Variants in NGEF observed in about 807,000 individuals in gnomAD.
NGEF encodes the protein neuronal guanine nucleotide exchange factor, also known as ephexin-1.
A neutral mutation model predicts 80.9 loss-of-function variants in NGEF; 31 were observed. That is an observed-to-expected ratio of 0.38 (90% CI 0.29 to 0.52). The LOEUF is 0.52. Ranked by LOEUF, NGEF falls within the 20% of genes least tolerant of loss-of-function variation. NGEF has a pLI of 0.84. For synonymous variants in NGEF, 371 were observed against 370.2 expected, an observed-to-expected ratio of 1.00 and a Z score of -0.03; for missense variants, 709 against 926.2, an observed-to-expected ratio of 0.77 and a Z score of 3.04.
intron 2 of NGEF, among the ~76,000 whole-genome samples, chr2:232,971,275 C>T (rs529738589): frequency 6.6e-6 from 1 of 152,288 alleles, no homozygotes; most frequent in Non-Finnish European, 1.5e-5. Context: ...ACCCCGTGCT[C>T]TTTCTCACCA....
Position 232,895,314 on chromosome 2 carries a change from G to A in NGEF, c.829-398C>T, listed in dbSNP as rs572095761. On this transcript the variant is annotated intron_variant, in intron 5 of 14. Transcript: ENST00000264051. ...GGCCGAGGCGGGCAGATCACTTGAG[G>A]TCAGGAGTTCAAGACCACCCTGGCC... 9.2e-5 allele frequency among the ~76,000 whole-genome samples: 14 copies of A among 152,194 alleles called. No homozygotes were observed. In the South Asian group the frequency reaches 2.7e-3, roughly 29 times the overall value.
chr2:232,905,144 C>G (rs1044581145), intron 5 of NGEF, among the ~76,000 whole-genome samples: 5 of 152,282 alleles, frequency 3.3e-5, no homozygotes, highest in Admixed American at 2.6e-4. Context: ...GTCTCCCTCT[C>G]ATGCCGAGCC....
At chr2:232,995,853 G>A (rs990989515) in intron 1 of NGEF, among the ~76,000 whole-genome samples, 3 of 148,974 alleles carry the variant, frequency 2.0e-5, no homozygotes, top group African/African-American at 7.4e-5. Context: ...ATAATATATT[G>A]TATGTATATA....
chr2:232,900,023 T>A (rs1194368748), intron 5 of NGEF, among the ~76,000 whole-genome samples: 1 of 120,678 alleles, frequency 8.3e-6, no homozygotes, highest in African/African-American at 3.4e-5. Context: ...CATATACACG[T>A]TCACTCACAT....
Position 232,999,284 on chromosome 2 carries a change from C to T in NGEF, c.-75+13784G>A, listed in dbSNP as rs554151501. The stretch of plus-strand genomic sequence containing the variant: ...TACTTTTTGGTGTATAAAGAATCAA[C>T]GGTTGTAAAATGTATATAATGTTCA... On this transcript the variant is annotated intron_variant, in intron 1 of 14. Transcript: ENST00000264051. Among the ~76,000 whole-genome samples the T allele has an allele frequency of 5.3e-4, 80 of 152,088 alleles. 1 individual carries two copies. In the South Asian group the frequency reaches 0.013, roughly 25 times the overall value.
Position 232,956,565 on chromosome 2 carries a change from G to T in NGEF, c.383+13649C>A, listed in dbSNP as rs377032250. On this transcript the variant is annotated intron_variant, in intron 3 of 14. Coordinates refer to ENST00000264051, the MANE Select transcript of NGEF (RefSeq NM_019850.3). Reference sequence around the variant, plus strand: ...GGCGGATACCTGAGGTCAGGAGTTCGAGACCAGCCTGGCCAACATGGCGAA... The same window carrying T: ...GGCGGATACCTGAGGTCAGGAGTTCTAGACCAGCCTGGCCAACATGGCGAA... 1.1e-4 allele frequency among the ~76,000 whole-genome samples: 17 copies of T among 152,070 alleles called. No individual in the cohort carries two copies. The East Asian group carries it at 3.3e-3, about 29-fold the overall frequency.
intron 1 of NGEF, among the ~76,000 whole-genome samples, chr2:232,991,483 A>C (rs533522954): frequency 4.6e-5 from 7 of 152,284 alleles, no homozygotes; most frequent in Admixed American, 2.0e-4. Flanking sequence ...AATTTAAAAA[A>C]ACCAATACAC....
At chr2:232,910,549 A>G (rs1575011425) in intron 5 of NGEF, among the ~76,000 whole-genome samples, 1 of 152,178 alleles carries the variant, frequency 6.6e-6, no homozygotes, top group East Asian at 1.9e-4. Context: ...GTCCAGCCCC[A>G]AAGTCAACAG....
intron 3 of NGEF, among the ~76,000 whole-genome samples, chr2:232,928,683 G>T (rs1693150431): frequency 6.6e-6 from 1 of 152,200 alleles, no homozygotes; most frequent in South Asian, 2.1e-4. Flanking sequence ...TGGGGAGGGG[G>T]CCGGCGCGGA....
chr2:232,908,097 G>A (rs1432312440), intron 5 of NGEF, among the ~76,000 whole-genome samples: 1 of 152,060 alleles, frequency 6.6e-6, no homozygotes, highest in African/African-American at 2.4e-5. Context: ...GAGACAGAGT[G>A]AGACTCTGTC....
At chr2:232,912,766 T>C (rs1228670267) in intron 5 of NGEF, among the ~76,000 whole-genome samples, 1 of 152,206 alleles carries the variant, frequency 6.6e-6, no homozygotes, top group Non-Finnish European at 1.5e-5. Flanking sequence ...ACTGGTCTAT[T>C]TCATTTAAGT....
At chr2:232,926,553 C>A (rs934670894) in intron 4 of NGEF, among the ~76,000 whole-genome samples, 28 of 152,110 alleles carry the variant, frequency 1.8e-4, no homozygotes, top group African/African-American at 6.3e-4. Flanking sequence ...TTTCCTTTCC[C>A]TGTGCAAAGT....
At position 232,988,078 on chromosome 2, in the gene NGEF, TGTGTGA is replaced by T. The variant is rs2106332136; in HGVS notation, c.-74-13120_-74-13115del. 2.0e-5 allele frequency among the ~76,000 whole-genome samples: 3 copies of T among 148,866 alleles called. No individual in the cohort carries two copies. In the South Asian group the frequency reaches 6.3e-4, roughly 31 times the overall value. On this transcript the variant is annotated intron_variant, in intron 1 of 14. Coordinates refer to ENST00000264051, the MANE Select transcript of NGEF (RefSeq NM_019850.3). ...GTGTGTGTGTGTGTGTGTGTGTGTG[TGTGTGA>T]GTGACAATCTCAAAGACCCCAGAGG... is the stretch of plus-strand genomic sequence containing the variant.
chr2:232,920,830 G>T (rs188919601), intron 4 of NGEF, among the ~76,000 whole-genome samples: 140 of 152,132 alleles, frequency 9.2e-4, no homozygotes, highest in Middle Eastern at 3.4e-3. Flanking sequence ...AGAAATGCCC[G>T]AATGGACTCA....
intron 3 of NGEF, among the ~76,000 whole-genome samples, chr2:232,953,384 C>T (rs1345472649): frequency 1.4e-5 from 2 of 147,958 alleles, no homozygotes; most frequent in Non-Finnish European, 3.0e-5. Context: ...AGAAAAGTGA[C>T]CAGTGTGTCT....
At position 233,013,168 on chromosome 2, in the gene NGEF, G is replaced by A. The variant is rs759094784; in HGVS notation, c.-175C>T. 1.7e-5 allele frequency: 8 copies of A among 471,042 alleles called. 1 individual carries two copies. Among genetic ancestry groups the A allele is most frequent in the African/African-American group, 4.0e-5 (2 of 50,022 alleles). 29.2% of individuals were successfully genotyped at this position (471,042 alleles called of 1,614,324 possible). A position where few individuals can be genotyped will look rare whatever the true frequency, so the allele number is the denominator to read the frequency against. On this transcript the variant is annotated 5_prime_UTR_variant, in exon 1 of 15. Transcript: ENST00000264051. The stretch of plus-strand genomic sequence containing the variant: ...CCTGCGAGCAGGATGGTGTGTCCCC[G>A]GCTAAATCCACAGGCGCTCCACTCT...
At chr2:232,900,489 CACTCAT>C (rs1487851963) in intron 5 of NGEF, among the ~76,000 whole-genome samples, 6 of 115,182 alleles carry the variant, frequency 5.2e-5, no homozygotes, top group Admixed American at 9.0e-5. Context: ...CTCTCACAGT[CACTCAT>C]ATACACGTTC....
chr2:232,908,375 C>T (rs1692622883), intron 5 of NGEF, among the ~76,000 whole-genome samples: 1 of 152,054 alleles, frequency 6.6e-6, no homozygotes, highest in African/African-American at 2.4e-5. Context: ...CTCTTCTTAT[C>T]AGCTGTGTTT....
chr2:232,891,499 G>A lies in NGEF; in HGVS notation c.1143-12C>T, dbSNP rs1248140555. On this transcript the variant is annotated splice_polypyrimidine_tract_variant and intron_variant, in intron 7 of 14. Transcript: ENST00000264051. ...CTGCCTTCTCCTGGCTGGGGACACA[G>A]ACAGGTGGAGTAGGTCTCTGAGCTG... 6.2e-7 allele frequency: 1 copy of A among 1,610,778 alleles called. No individual in the cohort carries two copies. The highest frequency in any genetic ancestry group is 1.3e-5 in the African/African-American group (1 of 74,918).
Sources: allele counts gnomAD v4.1 joint callset (sites outside exome capture counted in the v4.1 genomes callset), GRCh38; gene constraint gnomAD v4.1.1; transcripts MANE v1.5; gene names NCBI Gene and HGNC (gene_info 2026-07-23, HGNC 2026-07-21).